The following ECPAS variants were observed in gnomAD, a reference collection of about 807,000 sequenced individuals.
ECPAS encodes the protein proteasome adapter and scaffold protein ECM29.
A neutral mutation model predicts 255.1 loss-of-function variants in ECPAS; 70 were observed. That is an observed-to-expected ratio of 0.27 (90% confidence interval 0.23 to 0.33). The LOEUF is 0.33. Among genes scored for constraint, ECPAS ranks in the 10% least tolerant of loss-of-function variants. ECPAS has a pLI of 1.00. For missense variants in ECPAS, 1,817 were observed against 2,206.4 expected, an observed-to-expected ratio of 0.82 and a Z score of 3.54; for synonymous variants, 784 against 775.0, an observed-to-expected ratio of 1.01 and a Z score of -0.19.
rs567325855 is a variant in ECPAS, at chr9:111,420,266, T to C, written c.1456-146A>G. 2.5e-5 allele frequency: 15 copies of C among 594,248 alleles called. No individual in the cohort carries two copies. In the Admixed American group the frequency reaches 3.5e-4, roughly 14 times the overall value. 36.8% of individuals were successfully genotyped at this position (594,248 alleles called of 1,614,324 possible). A position where few individuals can be genotyped will look rare whatever the true frequency, so the allele number is the denominator to read the frequency against. ...AAGGTGACATTTTAATAAACGTGTA[T>C]CTAAATTAAATAAATCATTTGTTCA... On this transcript the variant is annotated intron_variant, in intron 15 of 49. Transcript: ENST00000684092.
chr9:111,469,592 C>T (rs1004447962), intron 2 of ECPAS, among the ~76,000 whole-genome samples: 3 of 151,962 alleles, frequency 2.0e-5, no homozygotes, highest in Non-Finnish European at 4.4e-5. Flanking sequence ...GGATGGATCA[C>T]AAGGTCAGGA....
At chr9:111,373,934 G>A in intron 39 of ECPAS, 38 bp downstream of exon 39, 2 of 1,491,934 alleles carry the variant, frequency 1.3e-6, no homozygotes, top group Non-Finnish European at 1.9e-6. Context: ...AGACAGGGCT[G>A]TGCAAAAATA....
At chr9:111,423,784 A>G (rs1320121762) in intron 12 of ECPAS, among the ~76,000 whole-genome samples, 1 of 152,256 alleles carries the variant, frequency 6.6e-6, no homozygotes, top group Non-Finnish European at 1.5e-5. Flanking sequence ...TCACCAGGTG[A>G]ATTAGTGAGG....
intron 2 of ECPAS, among the ~76,000 whole-genome samples, chr9:111,465,398 G>T (rs2098278262): frequency 6.6e-6 from 1 of 151,914 alleles, no homozygotes; most frequent in African/African-American, 2.4e-5. Flanking sequence ...AAATTAGCCA[G>T]GCATGGTGGC....
chr9:111,413,684 T>C (rs1161961408), intron 20 of ECPAS, among the ~76,000 whole-genome samples: 2 of 152,102 alleles, frequency 1.3e-5, no homozygotes, highest in Non-Finnish European at 2.9e-5. Context: ...TTTACTCCTA[T>C]GCTTCTCAAT....
At chr9:111,370,909 T>C in intron 43 of ECPAS, 144 bp from the exon 44 acceptor site, 1 of 735,014 alleles carries the variant, frequency 1.4e-6, no homozygotes, top group Non-Finnish European at 2.3e-6. Flanking sequence ...TAATGCATAA[T>C]TTTAAGCACA....
At chr9:111,443,273 C>CAA (rs758347061) in intron 4 of ECPAS, among the ~76,000 whole-genome samples, 1 of 152,156 alleles carries the variant, frequency 6.6e-6, no homozygotes, top group South Asian at 2.1e-4. Flanking sequence ...TCCCCCAAGA[C>CAA]AGAGTCTCGC....
Position 111,425,848 on chromosome 9 carries a change from G to A in ECPAS, c.1051-20C>T. 1 of 1,150,248 alleles carries A rather than the reference G, an allele frequency of 8.7e-7. No homozygotes were observed. Among genetic ancestry groups the A allele is most frequent in the African/African-American group, 1.5e-5 (1 of 65,118 alleles). The allele number at this position is 1,150,248 out of a possible 1,614,324, so 71.3% of individuals were successfully genotyped here. On this transcript the variant is annotated intron_variant, in intron 10 of 49. Transcript: ENST00000684092. ...CACCACCTATGTAAAATGAAGAGTTGAGAACATCAATTAATAAAAATAAGA... is the reference window on the plus strand; with the variant it reads ...CACCACCTATGTAAAATGAAGAGTTAAGAACATCAATTAATAAAAATAAGA...
chr9:111,406,290 T>C (rs2098183809), intron 24 of ECPAS, among the ~76,000 whole-genome samples: 1 of 149,732 alleles, frequency 6.7e-6, no homozygotes, highest in Admixed American at 6.6e-5. Context: ...TATCCTATGT[T>C]CTCACTTGTA....
intron 48 of ECPAS, 174 bp downstream of exon 48, chr9:111,366,065 T>C (rs764406030): frequency 7.2e-6 from 4 of 554,776 alleles, no homozygotes; most frequent in South Asian, 5.2e-5. Flanking sequence ...AATCCTGTTA[T>C]AGTTCCAGAT....
intron 16 of ECPAS, among the ~76,000 whole-genome samples, chr9:111,418,625 T>C (rs770822641): frequency 3.3e-5 from 5 of 152,236 alleles, no homozygotes; most frequent in Non-Finnish European, 7.3e-5. Flanking sequence ...ATTCCTTAAG[T>C]TGTCAGAGGA....
At chr9:111,391,181 T>C (rs1332765777) in intron 29 of ECPAS, among the ~76,000 whole-genome samples, 1 of 152,172 alleles carries the variant, frequency 6.6e-6, no homozygotes, top group Non-Finnish European at 1.5e-5. Context: ...TCATAGGCCC[T>C]ATCCTGCCTC....
chr9:111,474,672 C>G (rs570195181), intron 1 of ECPAS, among the ~76,000 whole-genome samples: 1 of 152,184 alleles, frequency 6.6e-6, no homozygotes, highest in Non-Finnish European at 1.5e-5. Context: ...ACATGCTGGT[C>G]CCAACCTATC....
chr9:111,470,406 G>A (rs565445488), intron 2 of ECPAS, among the ~76,000 whole-genome samples: 231 of 152,072 alleles, frequency 1.5e-3, no homozygotes, highest in Admixed American at 3.8e-3. Context: ...CCCGTCCCGG[G>A]TTCAAGTGAC....
rs146394009 is a variant in ECPAS at position 111,449,826 on chromosome 9, T to A, written c.153+1599A>T. 6.3e-4 allele frequency among the ~76,000 whole-genome samples: 96 copies of A among 152,228 alleles called. 1 individual carries two copies. Among genetic ancestry groups the A allele is most frequent in the Non-Finnish European group, 1.2e-3 (80 of 68,012 alleles). On this transcript the variant is annotated intron_variant, in intron 3 of 49. Transcript: ENST00000684092. ...AATACCTCTTTCCTCCTATCAGGCT[T>A]CGTCTCATGCACTGGGGACATCACT...
intron 8 of ECPAS, among the ~76,000 whole-genome samples, chr9:111,430,831 A>C (rs906272068): frequency 6.6e-6 from 1 of 152,260 alleles, no homozygotes; most frequent in African/African-American, 2.4e-5. Context: ...AACAAATACA[A>C]ATCACTTATC....
intron 2 of ECPAS, among the ~76,000 whole-genome samples, chr9:111,454,190 A>C (rs1454405852): frequency 6.6e-6 from 1 of 152,058 alleles, no homozygotes; most frequent in African/African-American, 2.4e-5. Context: ...AGAAACTACA[A>C]ATCTGAGCTA....
At chr9:111,382,260 C>CTTTT (rs35441317) in intron 35 of ECPAS, among the ~76,000 whole-genome samples, 30 of 107,692 alleles carry the variant, frequency 2.8e-4, no homozygotes, top group African/African-American at 9.5e-4. Context: ...AAAAGTGATA[C>CTTTT]TTTTTTTTTT....
chr9:111,436,960 T>C lies in ECPAS; in HGVS notation c.688A>G (p.Thr230Ala), dbSNP rs369978076. ...GATACCTGTTCCAATTGTTCAGGTG[T>C]CCATGGGTTATCACCAATAACTCGT... ...AKRVIGDNPW[T>A]PEQLEQCKLG... Residue 230 changes from threonine to alanine, a missense_variant, in exon 7 of 50, where the codon ACA (threonine) becomes GCA (alanine). Thr to Ala is a moderately conservative substitution (Grantham distance 58). Coordinates refer to ENST00000684092, the MANE Select transcript of ECPAS (RefSeq NM_001364929.1). 2.5e-6 allele frequency: 4 copies of C among 1,610,398 alleles called. No individual in the cohort carries two copies. Among genetic ancestry groups the C allele is most frequent in the Non-Finnish European group, 3.4e-6 (4 of 1,178,622 alleles).
Sources: gnomAD v4.1 joint callset for allele counts (sites outside exome capture counted in the v4.1 genomes callset) on GRCh38, gnomAD v4.1.1 for gene constraint, MANE v1.5 for transcripts, NCBI Gene and HGNC (gene_info 2026-07-23, HGNC 2026-07-21) for gene names.